Variants in HDGFL2 observed in about 807,000 individuals in gnomAD.
HDGFL2 encodes HDGF like 2, also known as hepatoma-derived growth factor-related protein 2.
A neutral mutation model predicts 77.1 loss-of-function variants in HDGFL2; 36 were observed. The observed-to-expected ratio is 0.47, with a 90% confidence interval of 0.36 to 0.62. HDGFL2 has a LOEUF of 0.62. HDGFL2 is among the 20% of genes least tolerant of loss of function. The pLI is 0.00. For synonymous variants in HDGFL2, 463 were observed against 413.1 expected (o/e 1.12, Z -1.46); for missense variants, 976 against 973.4 (o/e 1.00, Z -0.04).
intron 1 of HDGFL2, among the ~76,000 whole-genome samples, chr19:4,473,548 C>T (rs766661770): frequency 1.3e-5 from 2 of 151,620 alleles, no homozygotes; most frequent in Non-Finnish European, 2.9e-5. Flanking sequence ...GAAGCACTCC[C>T]TTGTGGGTCC....
chr19:4,499,427 G>A, intron 13 of HDGFL2, 64 bp from the exon 14 acceptor site: 1 of 1,479,096 alleles, frequency 6.8e-7, no homozygotes, highest in Non-Finnish European at 9.2e-7. Flanking sequence ...TGGGGCGAGG[G>A]GTTCAGAGCC....
chr19:4,501,796 G>A (rs1366184995), intron 15 of HDGFL2, 115 bp from the exon 16 acceptor site: 14 of 710,716 alleles, frequency 2.0e-5, no homozygotes, highest in South Asian at 4.7e-5. Context: ...GGCGGCACTC[G>A]AGCCTCAGGT....
intron 6 of HDGFL2, among the ~76,000 whole-genome samples, chr19:4,493,366 G>A (rs987973487): frequency 1.3e-5 from 2 of 150,974 alleles, no homozygotes; most frequent in Non-Finnish European, 3.0e-5. Context: ...AGGCGGTAGA[G>A]CACGGCAGCT....
intron 3 of HDGFL2, among the ~76,000 whole-genome samples, chr19:4,478,976 C>T (rs1041972029): frequency 6.6e-6 from 1 of 151,830 alleles, no homozygotes; most frequent in Non-Finnish European, 1.5e-5. Context: ...AGCCACCGCG[C>T]CCAACAGCGG....
chr19:4,478,796 T>G (rs575344492), intron 3 of HDGFL2, among the ~76,000 whole-genome samples: 1 of 151,966 alleles, frequency 6.6e-6, no homozygotes, highest in East Asian at 2.0e-4. Flanking sequence ...ATTCTTCTTC[T>G]GCCTCAGCCT....
intron 10 of HDGFL2, among the ~76,000 whole-genome samples, chr19:4,496,666 T>C (rs1002562191): frequency 1.3e-5 from 2 of 152,096 alleles, no homozygotes; most frequent in South Asian, 4.1e-4. Flanking sequence ...GTGGTTGTCA[T>C]GACTGGGGGG....
At chr19:4,486,654 A>G (rs372344506) in intron 3 of HDGFL2, among the ~76,000 whole-genome samples, 1 of 152,078 alleles carries the variant, frequency 6.6e-6, no homozygotes, top group East Asian at 1.9e-4. Context: ...CCTGGTCAAC[A>G]TGGTGAAACC....
intron 1 of HDGFL2, among the ~76,000 whole-genome samples, chr19:4,473,866 C>T (rs571542924): frequency 1.1e-4 from 17 of 151,774 alleles, no homozygotes; most frequent in African/African-American, 3.9e-4. Context: ...TGGTCCAACC[C>T]CAATGCTTGA....
chr19:4,474,591 C>T (rs1975023761), intron 1 of HDGFL2, among the ~76,000 whole-genome samples: 2 of 152,070 alleles, frequency 1.3e-5, no homozygotes, highest in South Asian at 2.1e-4. Flanking sequence ...GCTGTGCTCG[C>T]GCTGACTTTC....
intron 3 of HDGFL2, among the ~76,000 whole-genome samples, chr19:4,483,870 A>T (rs534622894): frequency 4.7e-5 from 7 of 147,486 alleles, no homozygotes; most frequent in African/African-American, 1.5e-4. Flanking sequence ...GCTCACTGCA[A>T]CCTCTGCCTC....
chr19:4,499,658 C>G lies in HDGFL2; in HGVS notation c.1743C>G (p.Ala581=). ...AEEKLAGEEL[A]GEEAPQEKAE... ...AGAAGCTGGCCGGGGAGGAGCTGGC[C>G]GGGGAGGAGGCCCCCCAGGAGAAGG... The change falls in exon 14 of 16, where the codon GCC becomes GCG. Residue 581 remains alanine (A), a synonymous_variant. Coordinates refer to ENST00000616600, the MANE Select transcript of HDGFL2 (RefSeq NM_001001520.3). The G allele has an allele frequency of 4.4e-6, 6 of 1,364,548 alleles. No individual in the cohort carries two copies. The highest frequency in any genetic ancestry group is 4.9e-6 in the Non-Finnish European group (5 of 1,028,414). 84.5% of individuals were successfully genotyped at this position (1,364,548 alleles called of 1,614,324 possible). A position where few individuals can be genotyped will look rare whatever the true frequency, so the allele number is the denominator to read the frequency against.
chr19:4,497,039 T>C (rs1975722367), intron 10 of HDGFL2: 2 of 398,350 alleles, frequency 5.0e-6, no homozygotes. Context: ...CACGCCTGGC[T>C]AATTTTTGTT....
chr19:4,491,291 A>G (rs1225573080), intron 4 of HDGFL2, among the ~76,000 whole-genome samples: 1 of 16,206 alleles, frequency 6.2e-5, no homozygotes, highest in Non-Finnish European at 1.2e-4. Context: ...CCCCCGGCGC[A>G]GCCCTGGTGC....
At position 4,493,256 on chromosome 19, in the gene HDGFL2, G is replaced by T. The variant is rs1194361730; in HGVS notation, c.679-447G>T. On this transcript the variant is annotated intron_variant, in intron 6 of 15. Transcript: ENST00000616600. ...TATCTGTGTGGTATGTGTGTTGTCTGTGTGTGTGTGTGGTGTGTGTGTTGT... is the reference window on the plus strand; with the variant it reads ...TATCTGTGTGGTATGTGTGTTGTCTTTGTGTGTGTGTGGTGTGTGTGTTGT... 3.9e-5 allele frequency among the ~76,000 whole-genome samples: 5 copies of T among 127,098 alleles called. No individual in the cohort carries two copies. The South Asian group carries it at 1.0e-3, about 25-fold the overall frequency. 83.4% of individuals were successfully genotyped at this position (127,098 alleles called of 152,430 possible).
chr19:4,501,093 CGCTCA>C (rs756013512), intron 14 of HDGFL2, 93 bp from the exon 15 acceptor site: 355 of 1,481,502 alleles, frequency 2.4e-4, no homozygotes, highest in Middle Eastern at 3.6e-4. Context: ...TCACCCACGG[CGCTCA>C]GCTTGGCCCC....
chr19:4,498,051 C>T lies in HDGFL2; in HGVS notation c.1402+20C>T. 4.5e-6 allele frequency: 7 copies of T among 1,543,230 alleles called. No homozygotes were observed. The highest frequency in any genetic ancestry group is 6.1e-6 in the Non-Finnish European group (7 of 1,139,438). ...AGAAAGGTGAGGCCTGGCTGCCCAG[C>T]ACTGCCCACACTGAGTTCACTGAGG... On this transcript the variant is annotated intron_variant, in intron 11 of 15. Transcript: ENST00000616600.
chr19:4,493,878 T>C lies in HDGFL2; in HGVS notation c.838+16T>C. 6.6e-7 allele frequency: 1 copy of C among 1,505,210 alleles called. No individual in the cohort carries two copies. The allele number at this position is 1,505,210 out of a possible 1,614,324, so 93.2% of individuals were successfully genotyped here. On this transcript the variant is annotated intron_variant, in intron 7 of 15. Transcript: ENST00000616600. ...AGGAAGCCAGGTAGGGCCCTCGTGC[T>C]CGCACATCTCTTGGCCTGGCCCCTG...
chr19:4,486,973 T>TC (rs1975379138), intron 3 of HDGFL2, among the ~76,000 whole-genome samples: 2 of 124,430 alleles, frequency 1.6e-5, no homozygotes, highest in Non-Finnish European at 3.5e-5. Context: ...TCTCTCTCTC[T>TC]TTTTTTTTTT....
chr19:4,486,008 G>A (rs565926013), intron 3 of HDGFL2, among the ~76,000 whole-genome samples: 5 of 145,910 alleles, frequency 3.4e-5, no homozygotes, highest in African/African-American at 7.7e-5. Flanking sequence ...AGTCGTGATC[G>A]CGCCACTGCA....
Sources: gnomAD v4.1 joint callset for allele counts (sites outside exome capture counted in the v4.1 genomes callset) on GRCh38, gnomAD v4.1.1 for gene constraint, MANE v1.5 for transcripts, NCBI Gene and HGNC (gene_info 2026-07-23, HGNC 2026-07-21) for gene names.